The following CEP85L variants were observed in gnomAD, a reference collection of about 807,000 sequenced individuals.
The protein encoded by CEP85L is centrosomal protein of 85 kDa-like.
In CEP85L, 60 loss-of-function variants were observed where a neutral mutation model predicts 100.3. That is an observed-to-expected ratio of 0.60 (90% CI 0.49 to 0.74). CEP85L has a LOEUF of 0.74. Among genes scored for constraint, CEP85L ranks in the 30% least tolerant of loss-of-function variants. The pLI is 0.00. For missense variants in CEP85L, 973 were observed against 936.2 expected, an observed-to-expected ratio of 1.04 and a Z score of -0.51; for synonymous variants, 319 against 322.7, an observed-to-expected ratio of 0.99 and a Z score of 0.12.
intron 2 of CEP85L, chr6:118,589,122 C>G (rs1365665315): frequency 3.3e-6 from 1 of 298,564 alleles, no homozygotes; most frequent in Non-Finnish European, 7.0e-6. Context: ...GCTCAGATAT[C>G]AGAGAAGAAA....
chr6:118,591,823 C>A (rs540009747), intron 2 of CEP85L, among the ~76,000 whole-genome samples: 7 of 152,176 alleles, frequency 4.6e-5, no homozygotes, highest in Non-Finnish European at 8.8e-5. Context: ...ACCTGGACAC[C>A]CTCCACCGGT....
In CEP85L at chr6:118,651,157, G is replaced by A. The variant is rs927467385; in HGVS notation, c.73+40C>T. ...AGGTCCCGAGGCGCCGCGGTCGGCC[G>A]TGACCCCCACCCCAGCCGGGGCGCT... On this transcript the variant is annotated intron_variant, in intron 1 of 12. Transcript: ENST00000368491. 7.4e-6 allele frequency: 11 copies of A among 1,479,634 alleles called. No individual in the cohort carries two copies. In the African/African-American group the frequency reaches 1.3e-4, roughly 18 times the overall value. 91.7% of individuals were successfully genotyped at this position (1,479,634 alleles called of 1,614,324 possible).
At chr6:118,639,351 C>T (rs1008886548) in intron 1 of CEP85L, among the ~76,000 whole-genome samples, 8 of 152,112 alleles carry the variant, frequency 5.3e-5, no homozygotes, top group African/African-American at 1.4e-4. Flanking sequence ...TCTGTGAGCC[C>T]CTTACGGCAT....
intron 2 of CEP85L, among the ~76,000 whole-genome samples, chr6:118,605,337 G>A (rs780309227): frequency 1.3e-5 from 2 of 152,144 alleles, no homozygotes; most frequent in Non-Finnish European, 2.9e-5. Context: ...ATCTCCCAGT[G>A]GGGGGTGGGG....
intron 1 of CEP85L, among the ~76,000 whole-genome samples, chr6:118,646,215 T>TA (rs200303930): frequency 2.0e-4 from 30 of 151,758 alleles, no homozygotes; most frequent in Non-Finnish European, 3.4e-4. Flanking sequence ...AGATTCTGTC[T>TA]AAAAAAAAAG....
At chr6:118,579,371 A>T (rs1265561780) in intron 2 of CEP85L, among the ~76,000 whole-genome samples, 1 of 151,930 alleles carries the variant, frequency 6.6e-6, no homozygotes, top group Non-Finnish European at 1.5e-5. Flanking sequence ...GTCAGAAAAA[A>T]AAAAAAACAG....
intron 6 of CEP85L, among the ~76,000 whole-genome samples, chr6:118,491,210 C>A (rs1240562380): frequency 6.9e-6 from 1 of 144,442 alleles, no homozygotes; most frequent in African/African-American, 2.8e-5. Context: ...CACACACACA[C>A]ACACACACAC....
At chr6:118,539,486 C>T (rs1777784393) in intron 3 of CEP85L, among the ~76,000 whole-genome samples, 1 of 152,270 alleles carries the variant, frequency 6.6e-6, no homozygotes, top group South Asian at 2.1e-4. Flanking sequence ...GTATTCCTGT[C>T]ATTAAGTGAC....
intron 1 of CEP85L, among the ~76,000 whole-genome samples, chr6:118,697,901 A>G (rs1688631): frequency 5.3e-5 from 8 of 151,970 alleles, no homozygotes; most frequent in African/African-American, 9.7e-5. Context: ...TTCAAAGAAG[A>G]ATGAATGGCT....
At chr6:118,683,135 T>C (rs1776722943) in intron 1 of CEP85L, among the ~76,000 whole-genome samples, 1 of 152,140 alleles carries the variant, frequency 6.6e-6, no homozygotes, top group Non-Finnish European at 1.5e-5. Flanking sequence ...ATCACAAAGG[T>C]GTGTATTTTT....
chr6:118,573,633 T>G (rs1193026693), intron 2 of CEP85L, among the ~76,000 whole-genome samples: 1 of 152,206 alleles, frequency 6.6e-6, no homozygotes, highest in Non-Finnish European at 1.5e-5. Context: ...TTCCAACGTT[T>G]TATAGTCCTC....
intron 1 of CEP85L, among the ~76,000 whole-genome samples, chr6:118,650,969 A>G (rs1418092978): frequency 6.6e-6 from 1 of 152,164 alleles, no homozygotes; most frequent in Non-Finnish European, 1.5e-5. Flanking sequence ...CTGCAGCCCA[A>G]GGAGGAGCGG....
At chr6:118,591,361 T>C (rs1378195682) in intron 2 of CEP85L, among the ~76,000 whole-genome samples, 1 of 152,170 alleles carries the variant, frequency 6.6e-6, no homozygotes, top group Non-Finnish European at 1.5e-5. Flanking sequence ...CTTTTCTGTG[T>C]GGCAGATGAA....
chr6:118,709,424 G>C (rs776877372), intron 1 of CEP85L, among the ~76,000 whole-genome samples: 18 of 152,072 alleles, frequency 1.2e-4, no homozygotes, highest in African/African-American at 4.3e-4. Flanking sequence ...CAGCGCATGC[G>C]GCTCCCCACT....
At chr6:118,533,209 A>C (rs1366840147) in intron 3 of CEP85L, among the ~76,000 whole-genome samples, 1 of 152,164 alleles carries the variant, frequency 6.6e-6, no homozygotes, top group Non-Finnish European at 1.5e-5. Context: ...TCATTGAGAC[A>C]ATCAATAAAA....
At chr6:118,689,916 CTT>C (rs34964907) in intron 1 of CEP85L, among the ~76,000 whole-genome samples, 1,676 of 136,130 alleles carry the variant, frequency 0.012, 42 homozygotes, top group African/African-American at 0.042. Flanking sequence ...TCCCTGCCTG[CTT>C]TTTTTTTTTT....
chr6:118,689,916 CT>C (rs34964907), intron 1 of CEP85L, among the ~76,000 whole-genome samples: 11,600 of 136,050 alleles, frequency 0.085, 740 homozygotes, highest in African/African-American at 0.19. Flanking sequence ...TCCCTGCCTG[CT>C]TTTTTTTTTT....
intron 2 of CEP85L, among the ~76,000 whole-genome samples, chr6:118,570,132 C>T (rs1336156838): frequency 6.6e-6 from 1 of 152,024 alleles, no homozygotes; most frequent in Non-Finnish European, 1.5e-5. Context: ...CGAAAGAATA[C>T]ACACAAAACT....
chr6:118,499,955 T>C (rs1045068720), intron 5 of CEP85L, among the ~76,000 whole-genome samples: 11 of 152,050 alleles, frequency 7.2e-5, no homozygotes, highest in African/African-American at 2.7e-4. Flanking sequence ...AAACCATCAT[T>C]GTTCACAGAT....
Sources: gnomAD v4.1 joint callset for allele counts (sites outside exome capture counted in the v4.1 genomes callset) on GRCh38, gnomAD v4.1.1 for gene constraint, MANE v1.5 for transcripts, NCBI Gene and HGNC (gene_info 2026-07-23, HGNC 2026-07-21) for gene names.